Variants in FAM9C observed in about 807,000 individuals in gnomAD.
FAM9C encodes the protein protein FAM9C.
A neutral mutation model predicts 14.8 loss-of-function variants in FAM9C; 15 were observed. The observed-to-expected ratio is 1.02, with a 90% CI of 0.68 to 1.56. The LOEUF (loss-of-function observed/expected upper bound fraction) is 1.56, where lower values mean the gene tolerates loss of function less well. FAM9C is among the 40% of genes most tolerant of loss of function. The probability of loss-of-function intolerance (pLI) is 0.00; values close to 1 mark genes in which losing one functional copy is unlikely to be tolerated. For synonymous variants in FAM9C, 45 were observed against 37.5 expected (o/e 1.20, Z -0.74); for missense variants, 116 against 118.0 (o/e 0.98, Z 0.08).
chrX:13,040,279 C>A, intron 5 of FAM9C: 1 of 750,199 alleles, frequency 1.3e-6, no homozygotes. Flanking sequence ...AGCCATTCAT[C>A]CCGTAAGATT....
rs763394989 is a variant in FAM9C, at chrX:13,042,906, C to T, written c.214+12G>A. The T allele has an allele frequency of 1.5e-5, 18 of 1,205,988 alleles. No individual in the cohort carries two copies. In the South Asian group the frequency reaches 2.3e-4, roughly 16 times the overall value. ...CAATTTTCATAAACCACAAATAGCT[C>T]GTAAAACATACCTGCAATATCTTCT... On this transcript the variant is annotated intron_variant, in intron 4 of 7. Transcript: ENST00000380625.
At chrX:13,044,470 G>C (rs1317919284) in intron 1 of FAM9C, 70 bp downstream of exon 1, 1 of 110,745 alleles carries the variant, frequency 9.0e-6, no homozygotes, top group Non-Finnish European at 1.9e-5. Flanking sequence ...TGGCTGCCCC[G>C]CCCTTCACAC....
Position 13,043,144 on chromosome X carries a change from T to C in FAM9C, c.166A>G (p.Thr56Ala), listed in dbSNP as rs2043542049. 1 of 1,207,738 alleles carries C rather than the reference T, an allele frequency of 8.3e-7. No individual in the cohort carries two copies. The highest frequency in any genetic ancestry group is 3.0e-5 in the East Asian group (1 of 33,793). ...EHGERGSFAE[T>A]DEHTGVDTKE... ...ACACTTTACCCCGTGTGTTCATCTG[T>C]TTCAGCAAAAGATCCTCTTTCCCCA... Residue 56 changes from threonine to alanine, a missense_variant, in exon 3 of 8, where the codon ACA (threonine) becomes GCA (alanine). Coordinates refer to ENST00000380625, the MANE Select transcript of FAM9C (RefSeq NM_174901.6).
At chrX:13,044,396 C>T (rs1387547841) in intron 1 of FAM9C, 144 bp downstream of exon 1, 1 of 106,193 alleles carries the variant, frequency 9.4e-6, no homozygotes, top group African/African-American at 3.4e-5. Context: ...CAGGCAGCTC[C>T]AACTCCCTGC....
At position 13,040,797 on chromosome X, in the gene FAM9C, T is replaced by C; in HGVS notation, c.290A>G (p.Asn97Ser). 1 of 1,193,952 alleles carries C rather than the reference T, an allele frequency of 8.4e-7. No homozygotes were observed. Among genetic ancestry groups the C allele is most frequent in the Non-Finnish European group, 1.1e-6 (1 of 887,575 alleles). Reference sequence around the variant, plus strand: ...TGTTCTCAAAACATTTTTAATTCTGTTCTTTATTTCGCTGCAAGCTTTTGC... The same window carrying C: ...TGTTCTCAAAACATTTTTAATTCTGCTCTTTATTTCGCTGCAAGCTTTTGC... ...KIAKACSEIKNRIKNVLRTTQ... is the reference protein window; with the variant it reads ...KIAKACSEIKSRIKNVLRTTQ... Residue 97 changes from asparagine (N) to serine (S), a missense_variant, in exon 5 of 8, where the codon AAC (asparagine) becomes AGC (serine). Transcript: ENST00000380625.
intron 7 of FAM9C, chrX:13,037,315 C>A (rs1486708431): frequency 8.9e-6 from 1 of 112,277 alleles, no homozygotes; most frequent in African/African-American, 3.3e-5. Context: ...ATTTAAGGAC[C>A]ATTGCAGAGT....
chrX:13,037,732 G>A (rs1009501328), intron 7 of FAM9C: 7 of 112,721 alleles, frequency 6.2e-5, no homozygotes, highest in Admixed American at 2.8e-4. Context: ...ATGAAGAAGC[G>A]GTCATTGTCC....
intron 1 of FAM9C, among the ~76,000 whole-genome samples, chrX:13,044,120 C>T (rs969586664): frequency 1.7e-4 from 19 of 112,086 alleles, no homozygotes; most frequent in African/African-American, 5.8e-4. Flanking sequence ...GGTTCCCCAG[C>T]GACCCAGTGG....
At chrX:13,039,319 A>T (rs1459680250) in intron 6 of FAM9C, among the ~76,000 whole-genome samples, 1 of 111,032 alleles carries the variant, frequency 9.0e-6, no homozygotes, top group African/African-American at 3.3e-5. Context: ...ACATACAGCC[A>T]CTACCTTCCT....
At chrX:13,043,676 A>C (rs2043549192) in intron 2 of FAM9C, 53 bp downstream of exon 2, 2 of 1,191,310 alleles carry the variant, frequency 1.7e-6, no homozygotes, top group Non-Finnish European at 2.3e-6. Flanking sequence ...CCCAGAAAGC[A>C]GACAGACTGT....
At chrX:13,043,681 G>A in intron 2 of FAM9C, 48 bp downstream of exon 2, 3 of 1,197,113 alleles carry the variant, frequency 2.5e-6, no homozygotes, top group South Asian at 1.8e-5. Flanking sequence ...AAAGCAGACA[G>A]ACTGTTGGGC....
rs776002027 is a variant in FAM9C, at chrX:13,039,962, A to C, written c.330-46T>G. On this transcript the variant is annotated intron_variant, in intron 5 of 7. Transcript: ENST00000380625. Reference sequence around the variant, plus strand: ...CAAGGTCATACGTCATAGAGGGATGAAAAATTAATCCTATTCAAACCAAAA... The same window carrying C: ...CAAGGTCATACGTCATAGAGGGATGCAAAATTAATCCTATTCAAACCAAAA... 7.5e-6 allele frequency: 8 copies of C among 1,067,403 alleles called. No individual in the cohort carries two copies. In the East Asian group the frequency reaches 2.5e-4, roughly 34 times the overall value. The allele number at this position is 1,067,403 out of a possible 1,213,427, so 88.0% of individuals were successfully genotyped here.
chrX:13,042,623 G>A (rs1487650032), intron 4 of FAM9C: 3 of 353,583 alleles, frequency 8.5e-6, no homozygotes, highest in East Asian at 5.0e-5. Context: ...TGAAAGGAAC[G>A]AATAGAGCTG....
chrX:13,043,038 T>C, intron 3 of FAM9C, 89 bp from the exon 4 acceptor site: 1 of 1,164,910 alleles, frequency 8.6e-7, no homozygotes, highest in Non-Finnish European at 1.1e-6. Context: ...TGAAATGTTC[T>C]GCATAGAACA....
At chrX:13,036,917 TC>T (rs1007835149) in intron 7 of FAM9C, 4 of 107,183 alleles carry the variant, frequency 3.7e-5, no homozygotes, top group African/African-American at 1.4e-4. Context: ...TTTCAATCGA[TC>T]AAAAAAAAAA....
Position 13,042,953 on chromosome X carries a change from T to C in FAM9C, c.183-4A>G, listed in dbSNP as rs371407742. 2 of 1,184,838 alleles carry C rather than the reference T, an allele frequency of 1.7e-6. No homozygotes were observed. The highest frequency in any genetic ancestry group is 3.8e-5 in the South Asian group (2 of 52,258). On this transcript the variant is annotated splice_polypyrimidine_tract_variant and splice_region_variant and intron_variant, in intron 3 of 7. Coordinates refer to ENST00000380625, the MANE Select transcript of FAM9C (RefSeq NM_174901.6). Reference sequence around the variant, plus strand: ...TTCTAGCTCCTTGGTATCAACCCTGTAACAAAAAGTTGCAACACAATTTTA... The same window carrying C: ...TTCTAGCTCCTTGGTATCAACCCTGCAACAAAAAGTTGCAACACAATTTTA...
At chrX:13,043,896 C>A in intron 1 of FAM9C, 39 bp from the exon 2 acceptor site, 1 of 825,224 alleles carries the variant, frequency 1.2e-6, no homozygotes, top group Non-Finnish European at 1.8e-6. Flanking sequence ...ACTAAGGAAA[C>A]GAGGCGTGTT....
chrX:13,038,180 C>T, intron 7 of FAM9C: 1 of 257,947 alleles, frequency 3.9e-6, no homozygotes, highest in East Asian at 6.4e-5. Context: ...TTTTCCTGTT[C>T]TAAATAACTC....
intron 2 of FAM9C, among the ~76,000 whole-genome samples, 195 bp from the exon 3 acceptor site, chrX:13,043,443 CA>C (rs2043546008): frequency 8.9e-6 from 1 of 112,460 alleles, no homozygotes; most frequent in Non-Finnish European, 1.9e-5. Flanking sequence ...GTTCAAGTCC[CA>C]GTAAACAACG....
Sources: allele counts gnomAD v4.1 joint callset (sites outside exome capture counted in the v4.1 genomes callset), GRCh38; gene constraint gnomAD v4.1.1; transcripts MANE v1.5; gene names NCBI Gene and HGNC (gene_info 2026-07-23, HGNC 2026-07-21).